Variants in TTC17 observed in about 807,000 individuals in gnomAD.
TTC17 encodes the protein tetratricopeptide repeat protein 17.
TTC17 carries 58 observed loss-of-function variants against 143.8 expected under a neutral mutation model. The observed-to-expected ratio is 0.40, with a 90% CI of 0.33 to 0.50. The LOEUF is 0.50. Ranked by LOEUF, TTC17 falls within the 20% of genes least tolerant of loss-of-function variation. The pLI is 0.49. For synonymous variants in TTC17, 501 were observed against 497.8 expected (o/e 1.01, Z -0.09); for missense variants, 1,273 against 1,392.5 (o/e 0.91, Z 1.37).
At chr11:43,490,126 C>A in intron 21 of TTC17, 113 bp from the exon 22 acceptor site, 6 of 1,423,316 alleles carry the variant, frequency 4.2e-6, no homozygotes, top group Non-Finnish European at 5.7e-6. Context: ...AGAGTGCCAG[C>A]ACTTAGTAAA....
chr11:43,454,938 A>G (rs1298781532), intron 21 of TTC17, among the ~76,000 whole-genome samples: 1 of 152,016 alleles, frequency 6.6e-6, no homozygotes, highest in Non-Finnish European at 1.5e-5. Context: ...CTTATTAGAT[A>G]TATCAAACTC....
chr11:43,376,569 T>G lies in TTC17; in HGVS notation c.160-2664T>G, dbSNP rs188883164. Among the ~76,000 whole-genome samples the G allele has an allele frequency of 2.0e-5, 3 of 152,308 alleles. No individual in the cohort carries two copies. The East Asian group carries it at 5.8e-4, about 29-fold the overall frequency. On this transcript the variant is annotated intron_variant, in intron 1 of 23. Coordinates refer to ENST00000039989, the MANE Select transcript of TTC17 (RefSeq NM_018259.6). ...TGTGTTCATTATGTCCTTTTTAACC[T>G]ACCTCTCTGTAATTCCTGTCTCCTT...
rs1197468506 is a variant in TTC17, at chr11:43,450,094, CAT to C, written c.2801_2802del (p.Ile934ArgfsTer64). 2 of 1,613,812 alleles carry C rather than the reference CAT, an allele frequency of 1.2e-6. No individual in the cohort carries two copies. The highest frequency in any genetic ancestry group is 1.7e-6 in the Non-Finnish European group (2 of 1,179,886). On this transcript the variant is annotated frameshift_variant, in exon 20 of 24. Transcript: ENST00000039989. LOFTEE classifies it high-confidence loss of function. ...SSKNIDITEHIDFATPIQQPA... is the reference protein window; with the variant it reads ...SSKNIDITEHXDFATPIQQPA... ...CTCCATTTTTCAGCATCACAGAACA[CAT>C]AGATTTTGCCACCCCTATACAGCAG... is the stretch of plus-strand genomic sequence containing the variant.
rs202007514 is a variant in TTC17 at position 43,407,549 on chromosome 11, T to C, written c.2036T>C (p.Leu679Pro). Residue 679 changes from leucine to proline, a missense_variant, in exon 15 of 24, where the codon CTT becomes CCT. Coordinates refer to ENST00000039989, the MANE Select transcript of TTC17 (RefSeq NM_018259.6). Reference protein sequence around the residue: ...GLHLDATKLLLQALAINSSEP... With the variant: ...GLHLDATKLLPQALAINSSEP... ...CATCTTGATGCCACTAAGCTGCTACTTCAAGCTTTGGCCATCAATAGCTCT... is the reference window on the plus strand; with the variant it reads ...CATCTTGATGCCACTAAGCTGCTACCTCAAGCTTTGGCCATCAATAGCTCT... 48 of 1,613,916 alleles carry C rather than the reference T, an allele frequency of 3.0e-5. No homozygotes were observed. Among genetic ancestry groups the C allele is most frequent in the Non-Finnish European group, 3.6e-5 (43 of 1,179,978 alleles).
intron 21 of TTC17, among the ~76,000 whole-genome samples, chr11:43,472,902 C>T (rs1048575855): frequency 2.6e-5 from 4 of 151,092 alleles, no homozygotes; most frequent in Admixed American, 6.6e-5. Context: ...AGTCTGGGTG[C>T]GGTGGCTCAA....
rs553230002 is a variant in TTC17, at chr11:43,366,127, G to A, written c.159+7014G>A. On this transcript the variant is annotated intron_variant, in intron 1 of 23. Transcript: ENST00000039989. ...TCCCGAGTAGCTGGGACTAGTTCACGTCAGAAATCTAGTTGTCTTTAATTC... is the reference window on the plus strand; with the variant it reads ...TCCCGAGTAGCTGGGACTAGTTCACATCAGAAATCTAGTTGTCTTTAATTC... Among the ~76,000 whole-genome samples the A allele has an allele frequency of 2.7e-4, 41 of 151,680 alleles. No individual in the cohort carries two copies. The Middle Eastern group carries it at 0.01, about 38-fold the overall frequency.
chr11:43,377,378 CTG>C (rs1175126317), intron 1 of TTC17, among the ~76,000 whole-genome samples: 1 of 152,114 alleles, frequency 6.6e-6, no homozygotes, highest in Non-Finnish European at 1.5e-5. Context: ...TGGCATATAA[CTG>C]TATTTACAAA....
chr11:43,402,024 T>G (rs1473506109), intron 10 of TTC17, among the ~76,000 whole-genome samples: 1 of 136,780 alleles, frequency 7.3e-6, no homozygotes, highest in Non-Finnish European at 1.5e-5. Context: ...AATAAATAAA[T>G]AAATAAAGAG....
At chr11:43,398,846 A>T (rs947757507) in intron 8 of TTC17, among the ~76,000 whole-genome samples, 2 of 152,214 alleles carry the variant, frequency 1.3e-5, no homozygotes, top group African/African-American at 4.8e-5. Flanking sequence ...CTTCTTTTCC[A>T]ATCTTTTTAA....
chr11:43,481,920 G>T (rs142154872), intron 21 of TTC17, among the ~76,000 whole-genome samples: 2 of 151,818 alleles, frequency 1.3e-5, no homozygotes, highest in Admixed American at 6.6e-5. Context: ...AGTGATTCTC[G>T]TGCCTCAGCC....
chr11:43,397,541 T>C, intron 7 of TTC17, 50 bp downstream of exon 7: 3 of 1,403,434 alleles, frequency 2.1e-6, no homozygotes, highest in South Asian at 3.2e-5. Context: ...CACTTTCTTT[T>C]TTTTTTTTTT....
intron 16 of TTC17, among the ~76,000 whole-genome samples, chr11:43,438,749 C>A (rs1326346350): frequency 6.6e-6 from 1 of 152,170 alleles, no homozygotes; most frequent in African/African-American, 2.4e-5. Context: ...ACTCATCTTT[C>A]CATCCTCTGC....
At chr11:43,421,515 A>T (rs527704727) in intron 16 of TTC17, among the ~76,000 whole-genome samples, 257 of 152,334 alleles carry the variant, frequency 1.7e-3, no homozygotes, top group African/African-American at 5.3e-3. Flanking sequence ...GTTTACAGTC[A>T]GTCCCCATCA....
intron 21 of TTC17, among the ~76,000 whole-genome samples, chr11:43,460,032 G>A (rs188193515): frequency 2.0e-5 from 3 of 152,064 alleles, no homozygotes; most frequent in Non-Finnish European, 2.9e-5. Flanking sequence ...ATCTGTAGTA[G>A]TAACAAGGTT....
At chr11:43,490,501 G>T in intron 22 of TTC17, 143 bp downstream of exon 22, 2 of 1,300,512 alleles carry the variant, frequency 1.5e-6, no homozygotes, top group Non-Finnish European at 2.0e-6. Flanking sequence ...GAGACCTTCT[G>T]ACTGGGCTTG....
chr11:43,387,574 C>T (rs893918866), intron 2 of TTC17, among the ~76,000 whole-genome samples: 5 of 152,244 alleles, frequency 3.3e-5, no homozygotes, highest in Non-Finnish European at 7.4e-5. Flanking sequence ...ATTTGGGGCT[C>T]TGTTGGGGAT....
rs952934012 is a variant in TTC17 at position 43,404,060 on chromosome 11, G to T, written c.1395G>T (p.Gln465His). The T allele has an allele frequency of 6.2e-7, 1 of 1,612,934 alleles. No individual in the cohort carries two copies. Among genetic ancestry groups the T allele is most frequent in the African/African-American group, 1.3e-5 (1 of 74,826 alleles). ...MSVNFDVQSN[Q>H]SDINDSVKSS... ...TGAACTTTGATGTTCAATCAAATCA[G>T]AGTGATATCAATGATTCGGTCAAGT... Residue 465 changes from glutamine to histidine, a missense_variant, in exon 11 of 24, where the codon CAG becomes CAT. By Grantham distance (24) the Gln-to-His change is conservative. Coordinates refer to ENST00000039989, the MANE Select transcript of TTC17 (RefSeq NM_018259.6).
chr11:43,379,791 A>C (rs1236696900), intron 2 of TTC17, among the ~76,000 whole-genome samples: 4 of 152,190 alleles, frequency 2.6e-5, no homozygotes, highest in African/African-American at 9.6e-5. Flanking sequence ...AACATTAATC[A>C]CCTTGTTCCT....
At chr11:43,398,222 C>T in intron 8 of TTC17, 109 bp downstream of exon 8, 3 of 1,334,740 alleles carry the variant, frequency 2.2e-6, no homozygotes, top group East Asian at 2.5e-5. Context: ...AGAAAGAAAC[C>T]TCTTCACTAC....
Sources: allele counts gnomAD v4.1 joint callset (sites outside exome capture counted in the v4.1 genomes callset), GRCh38; gene constraint gnomAD v4.1.1; transcripts MANE v1.5; gene names NCBI Gene and HGNC (gene_info 2026-07-23, HGNC 2026-07-21).